LMBRD1: variants seen among roughly 807,000 people sequenced by gnomAD.
The protein encoded by LMBRD1 is LMBR1 domain containing 1.
Under a neutral mutation model 74.8 loss-of-function variants are expected in LMBRD1, and 64 were observed. The observed-to-expected ratio is 0.86, with a 90% CI of 0.70 to 1.05. The LOEUF (loss-of-function observed/expected upper bound fraction) is 1.05. Ranked by LOEUF, LMBRD1 falls within the 50% of genes least tolerant of loss-of-function variation. LMBRD1 has a pLI of 0.00. For synonymous variants in LMBRD1, 204 were observed against 216.3 expected, an observed-to-expected ratio of 0.94 and a Z score of 0.50; for missense variants, 652 against 645.9, an observed-to-expected ratio of 1.01 and a Z score of -0.10.
chr6:69,683,132 G>A (rs1267156601), intron 14 of LMBRD1, among the ~76,000 whole-genome samples: 1 of 151,928 alleles, frequency 6.6e-6, no homozygotes, highest in East Asian at 1.9e-4. Flanking sequence ...AACATCAGGA[G>A]ACTTTCTAGA....
chr6:69,741,726 C>A, intron 6 of LMBRD1, 63 bp downstream of exon 6: 2 of 1,017,638 alleles, frequency 2.0e-6, no homozygotes, highest in South Asian at 2.6e-5. Flanking sequence ...TAAACTGCTT[C>A]TCAAAAGTCC....
chr6:69,778,384 A>C (rs956634638), intron 3 of LMBRD1, among the ~76,000 whole-genome samples: 36 of 152,356 alleles, frequency 2.4e-4, no homozygotes, highest in African/African-American at 8.4e-4. Context: ...TGGGAGGACT[A>C]AGAAAAATAC....
At position 69,754,192 on chromosome 6, in the gene LMBRD1, G is replaced by A. The variant is rs529123091; in HGVS notation, c.308-1836C>T. ...AAGGTATAGTTCAATTTTATAAGAT[G>A]GAAAGTGTTATGGAGATGAATGGCA... On this transcript the variant is annotated intron_variant, in intron 3 of 15. Transcript: ENST00000649934. 4.6e-5 allele frequency among the ~76,000 whole-genome samples: 7 copies of A among 152,064 alleles called. No homozygotes were observed. The South Asian group carries it at 1.5e-3, about 32-fold the overall frequency.
At chr6:69,751,664 C>A (rs1261881306) in intron 4 of LMBRD1, among the ~76,000 whole-genome samples, 1 of 152,212 alleles carries the variant, frequency 6.6e-6, no homozygotes, top group African/African-American at 2.4e-5. Flanking sequence ...TTAGTAAGAA[C>A]AACCTACAAG....
chr6:69,713,445 T>C (rs79252714), intron 9 of LMBRD1, among the ~76,000 whole-genome samples, 200 bp downstream of exon 9: 22 of 152,178 alleles, frequency 1.4e-4, no homozygotes, highest in African/African-American at 5.1e-4. Context: ...TTCCCAACAA[T>C]TGTTGTAATA....
chr6:69,746,146 A>T (rs1205535442), intron 5 of LMBRD1: 1 of 157,944 alleles, frequency 6.3e-6, no homozygotes, highest in Admixed American at 6.4e-5. Context: ...TTGGGCGCTG[A>T]TTATGTTGTG....
intron 4 of LMBRD1, 120 bp downstream of exon 4, chr6:69,752,139 A>G: frequency 1.1e-6 from 1 of 875,102 alleles, no homozygotes; most frequent in Non-Finnish European, 1.7e-6. Flanking sequence ...TAATTTAGCT[A>G]ACATTGTATT....
At chr6:69,762,612 G>A (rs1765395234) in intron 3 of LMBRD1, among the ~76,000 whole-genome samples, 1 of 152,188 alleles carries the variant, frequency 6.6e-6, no homozygotes, top group Non-Finnish European at 1.5e-5. Flanking sequence ...CAGACTGAAT[G>A]TTGGTGTCCC....
intron 5 of LMBRD1, among the ~76,000 whole-genome samples, chr6:69,743,068 C>T (rs940974163): frequency 2.0e-5 from 3 of 151,990 alleles, no homozygotes; most frequent in Non-Finnish European, 4.4e-5. Flanking sequence ...GGTGTGGAAT[C>T]AAGAAATAAA....
chr6:69,764,239 A>G (rs994908624), intron 3 of LMBRD1, among the ~76,000 whole-genome samples: 1 of 152,184 alleles, frequency 6.6e-6, no homozygotes, highest in South Asian at 2.1e-4. Flanking sequence ...AATTAGGTTC[A>G]GATGAGGGCA....
chr6:69,796,783 C>T (rs1766243712), intron 1 of LMBRD1, 30 bp downstream of exon 1: 1 of 1,605,890 alleles, frequency 6.2e-7, no homozygotes, highest in Admixed American at 1.7e-5. Flanking sequence ...CCAGTCCAAA[C>T]ATGGGGAAAA....
chr6:69,781,728 C>T (rs751991219), intron 2 of LMBRD1, among the ~76,000 whole-genome samples: 1 of 151,964 alleles, frequency 6.6e-6, no homozygotes, highest in Non-Finnish European at 1.5e-5. Context: ...TTTATGTTAA[C>T]CATATAAAAA....
At chr6:69,684,157 A>G (rs940119999) in intron 14 of LMBRD1, among the ~76,000 whole-genome samples, 3 of 152,068 alleles carry the variant, frequency 2.0e-5, no homozygotes, top group Non-Finnish European at 2.9e-5. Flanking sequence ...TATTAAAGAT[A>G]TTACATCCAT....
At chr6:69,683,804 G>T (rs1416436075) in intron 14 of LMBRD1, among the ~76,000 whole-genome samples, 1 of 152,052 alleles carries the variant, frequency 6.6e-6, no homozygotes, top group Non-Finnish European at 1.5e-5. Context: ...GAGAATGGAA[G>T]TAGAACCATC....
chr6:69,726,850 C>T (rs531323992), intron 7 of LMBRD1, among the ~76,000 whole-genome samples: 3 of 151,848 alleles, frequency 2.0e-5, no homozygotes, highest in South Asian at 2.1e-4. Context: ...ATAATAATTT[C>T]GTTGTACATT....
chr6:69,700,174 T>C (rs548009222), intron 12 of LMBRD1, among the ~76,000 whole-genome samples: 1 of 151,982 alleles, frequency 6.6e-6, no homozygotes, highest in Admixed American at 6.6e-5. Context: ...AAATCTTTTA[T>C]TAGTTCAAGC....
intron 4 of LMBRD1, among the ~76,000 whole-genome samples, chr6:69,750,429 A>G (rs1765105919): frequency 1.3e-5 from 2 of 152,040 alleles, no homozygotes; most frequent in African/African-American, 4.8e-5. Context: ...GGCTAAGAAA[A>G]GCAAATAAAG....
intron 3 of LMBRD1, 36 bp downstream of exon 3, chr6:69,780,458 C>G (rs776269287): frequency 6.8e-7 from 1 of 1,474,838 alleles, no homozygotes; most frequent in Admixed American, 1.7e-5. Flanking sequence ...TTTTGGTTAG[C>G]AGTCCAAATA....
rs1767109927 is a variant in LMBRD1 at position 69,741,824 on chromosome 6, T to A, written c.527A>T (p.Lys176Ile). Residue 176 changes from lysine to isoleucine, a missense_variant, in exon 6 of 16, where the codon AAA (lysine) becomes ATA (isoleucine). This residue lies in a region of LMBRD1 where 598 missense variants were observed against 581.8 expected (regional missense o/e 1.03). Transcript: ENST00000649934. The part of the protein sequence containing the change: ...PNNKNSTEWE[K>I]VKSLFEELGS... The stretch of plus-strand genomic sequence containing the variant: ...AAGTTCTTCAAATAGGGACTTCACT[T>A]TTTCCCACTCTGTAGAATTTTTGTT... 3 of 1,607,322 alleles carry A rather than the reference T, an allele frequency of 1.9e-6. No individual in the cohort carries two copies. The highest frequency in any genetic ancestry group is 1.1e-5 in the South Asian group (1 of 90,882).
Sources: allele counts gnomAD v4.1 joint callset (sites outside exome capture counted in the v4.1 genomes callset), GRCh38; gene constraint gnomAD v4.1.1; regional missense constraint gnomAD v4.1.1; transcripts MANE v1.5; gene names NCBI Gene and HGNC (gene_info 2026-07-23, HGNC 2026-07-21).